The following LRMDA variants were observed in gnomAD, a reference collection of about 807,000 sequenced individuals.
LRMDA encodes leucine-rich melanocyte differentiation-associated protein.
A neutral mutation model predicts 29.8 loss-of-function variants in LRMDA; 18 were observed. The ratio of observed to expected loss-of-function variants is 0.60; its 90% CI spans 0.42 to 0.90. The LOEUF (loss-of-function observed/expected upper bound fraction) is 0.90. LRMDA is among the 40% of genes least tolerant of loss of function. The pLI is 0.00. For synonymous variants in LRMDA, 125 were observed against 109.4 expected (o/e 1.14, Z -0.89); for missense variants, 273 against 273.9 (o/e 1.00, Z 0.02).
chr10:76,064,474 A>G (rs916226679), intron 5 of LRMDA, among the ~76,000 whole-genome samples: 1 of 152,096 alleles, frequency 6.6e-6, no homozygotes, highest in Non-Finnish European at 1.5e-5. Flanking sequence ...TTACAATGAA[A>G]TTTTCCGTCT....
At chr10:75,537,267 G>C (rs1019147112) in intron 2 of LRMDA, among the ~76,000 whole-genome samples, 1 of 152,222 alleles carries the variant, frequency 6.6e-6, no homozygotes, top group East Asian at 1.9e-4. Flanking sequence ...CCATCACCTG[G>C]AGGCATTCCA....
chr10:76,515,806 C>CT (rs1843055321), intron 6 of LRMDA, among the ~76,000 whole-genome samples: 1 of 152,172 alleles, frequency 6.6e-6, no homozygotes, highest in Non-Finnish European at 1.5e-5. Flanking sequence ...GCCCAGCCCC[C>CT]ATCCTCTTAA....
At chr10:76,322,616 G>A (rs1840785147) in intron 5 of LRMDA, among the ~76,000 whole-genome samples, 1 of 152,164 alleles carries the variant, frequency 6.6e-6, no homozygotes, top group South Asian at 2.1e-4. Flanking sequence ...TTTCTGAAAA[G>A]GTAGCATTTG....
At chr10:76,012,124 G>C (rs533128110) in intron 2 of LRMDA, among the ~76,000 whole-genome samples, 1 of 152,174 alleles carries the variant, frequency 6.6e-6, no homozygotes, top group African/African-American at 2.4e-5. Flanking sequence ...CCCAAAGCTG[G>C]TTCCTGGAGC....
intron 2 of LRMDA, among the ~76,000 whole-genome samples, chr10:75,467,554 G>C (rs973959438): frequency 6.6e-6 from 1 of 152,164 alleles, no homozygotes; most frequent in African/African-American, 2.4e-5. Flanking sequence ...TTGGGTAGGA[G>C]AGGGAAACAA....
At chr10:75,731,709 G>A (rs866537461) in intron 2 of LRMDA, among the ~76,000 whole-genome samples, 6 of 152,164 alleles carry the variant, frequency 3.9e-5, no homozygotes, top group Admixed American at 6.5e-5. Flanking sequence ...TGATTGACAC[G>A]TTGGTTTCTT....
chr10:76,414,664 C>T (rs897204305), intron 6 of LRMDA, among the ~76,000 whole-genome samples: 4 of 152,186 alleles, frequency 2.6e-5, no homozygotes, highest in African/African-American at 9.7e-5. Flanking sequence ...AATGGAAGAA[C>T]TATATTCCTC....
chr10:75,618,777 CT>C (rs35897683), intron 2 of LRMDA, among the ~76,000 whole-genome samples: 103,525 of 114,284 alleles, frequency 0.91, 46,650 homozygotes, highest in Non-Finnish European at 0.91. Flanking sequence ...ATTATTTACT[CT>C]TTTTTTTTTT....
intron 2 of LRMDA, among the ~76,000 whole-genome samples, chr10:75,889,731 T>C (rs901969853): frequency 2.0e-5 from 3 of 152,174 alleles, no homozygotes; most frequent in Non-Finnish European, 4.4e-5. Flanking sequence ...AGTTAGTTAT[T>C]GAGAACTTGC....
Position 76,308,759 on chromosome 10 carries a change from G to A in LRMDA, c.517-15642G>A, listed in dbSNP as rs529247418. Among the ~76,000 whole-genome samples, 22 of 152,222 alleles carry A rather than the reference G, an allele frequency of 1.4e-4. 2 individuals are homozygous for A. The highest frequency in any genetic ancestry group is 4.1e-4 in the South Asian group (2 of 4,822). ...AGTTCTGTCTGAATCTGAAAGTGAC[G>A]GCTCCAATTAAGACACAGGAAGAAA... On this transcript the variant is annotated intron_variant, in intron 5 of 6. Transcript: ENST00000611255.
At chr10:75,838,190 G>A (rs1332099276) in intron 2 of LRMDA, among the ~76,000 whole-genome samples, 1 of 152,174 alleles carries the variant, frequency 6.6e-6, no homozygotes, top group Non-Finnish European at 1.5e-5. Flanking sequence ...GGTGATATAT[G>A]AGCGTGGCTT....
At chr10:76,062,656 C>CTCTGTG (rs1309306871) in intron 5 of LRMDA, among the ~76,000 whole-genome samples, 4 of 139,206 alleles carry the variant, frequency 2.9e-5, no homozygotes, top group African/African-American at 1.1e-4. Context: ...CTTTATCTCT[C>CTCTGTG]TGTGTGTGTG....
chr10:75,447,731 C>CA (rs2132028753), intron 2 of LRMDA, among the ~76,000 whole-genome samples: 1 of 152,126 alleles, frequency 6.6e-6, no homozygotes, highest in Non-Finnish European at 1.5e-5. Flanking sequence ...CCCATCTCTA[C>CA]AAAAAATACA....
intron 5 of LRMDA, among the ~76,000 whole-genome samples, chr10:76,206,939 C>T (rs1851547897): frequency 1.3e-5 from 2 of 152,196 alleles, no homozygotes; most frequent in South Asian, 4.1e-4. Context: ...CTGCTTTGTG[C>T]ACATCATCGC....
chr10:76,391,444 A>G (rs545966447), intron 6 of LRMDA, among the ~76,000 whole-genome samples: 1 of 152,322 alleles, frequency 6.6e-6, no homozygotes, highest in South Asian at 2.1e-4. Context: ...ATAACCTACT[A>G]TGTATTTTAT....
intron 2 of LRMDA, among the ~76,000 whole-genome samples, chr10:75,455,121 G>T (rs1026719479): frequency 6.6e-6 from 1 of 152,178 alleles, no homozygotes; most frequent in African/African-American, 2.4e-5. Flanking sequence ...GAGCTAGGTG[G>T]TCTTTCTTTA....
At chr10:76,138,578 T>C (rs1850140017) in intron 5 of LRMDA, among the ~76,000 whole-genome samples, 1 of 152,186 alleles carries the variant, frequency 6.6e-6, no homozygotes, top group Admixed American at 6.5e-5. Context: ...GAGTAAGTTT[T>C]TTTGGCATTC....
At chr10:75,967,584 T>C (rs992777825) in intron 2 of LRMDA, among the ~76,000 whole-genome samples, 5 of 152,216 alleles carry the variant, frequency 3.3e-5, no homozygotes, top group Non-Finnish European at 7.3e-5. Context: ...TGATAAATCA[T>C]CAGCAGAAAA....
intron 5 of LRMDA, among the ~76,000 whole-genome samples, chr10:76,069,717 C>T (rs2132067117): frequency 6.6e-6 from 1 of 151,188 alleles, no homozygotes; most frequent in Non-Finnish European, 1.5e-5. Context: ...TTTTGTTGAG[C>T]ATTTTGAATT....
Sources: allele counts gnomAD v4.1 joint callset (sites outside exome capture counted in the v4.1 genomes callset), GRCh38; gene constraint gnomAD v4.1.1; transcripts MANE v1.5; gene names NCBI Gene and HGNC (gene_info 2026-07-23, HGNC 2026-07-21).